PDIA3: variants seen among roughly 807,000 people sequenced by gnomAD.
The protein encoded by PDIA3 is protein disulfide isomerase family A member 3.
A neutral mutation model predicts 56.9 loss-of-function variants in PDIA3; 16 were observed. That is an observed-to-expected ratio of 0.28 (90% CI 0.19 to 0.43). The LOEUF is 0.43. Among genes scored for constraint, PDIA3 ranks in the 20% least tolerant of loss-of-function variants. The pLI, the probability that PDIA3 is intolerant of heterozygous loss-of-function variation, is 1.00. For missense variants in PDIA3, 485 were observed against 621.3 expected (o/e 0.78, Z 2.33); for synonymous variants, 192 against 216.5 (o/e 0.89, Z 0.99).
intron 5 of PDIA3, among the ~76,000 whole-genome samples, chr15:43,763,703 A>G (rs2086831426): frequency 6.6e-6 from 1 of 152,146 alleles, no homozygotes; most frequent in Non-Finnish European, 1.5e-5. Flanking sequence ...TATAAAAATG[A>G]AAGTGTAAGT....
At position 43,748,523 on chromosome 15, in the gene PDIA3, T is replaced by C. The variant is rs184609850; in HGVS notation, c.167+1817T>C. Among the ~76,000 whole-genome samples the C allele has an allele frequency of 6.6e-5, 10 of 152,240 alleles. No homozygotes were observed. The East Asian group carries it at 1.9e-3, about 29-fold the overall frequency. On this transcript the variant is annotated intron_variant, in intron 1 of 12. Coordinates refer to ENST00000300289, the MANE Select transcript of PDIA3 (RefSeq NM_005313.5). ...TTTTATTTGAATTGAAGGGGGTGTT[T>C]CCTACTTTAAATTGTTACACGTGCT...
intron 3 of PDIA3, among the ~76,000 whole-genome samples, chr15:43,757,194 G>C (rs1043028874): frequency 6.6e-6 from 1 of 152,166 alleles, no homozygotes; most frequent in Non-Finnish European, 1.5e-5. Flanking sequence ...TTAGCTACTC[G>C]GGAGGCTGAG....
In PDIA3 at chr15:43,771,936, C is replaced by T. The variant is rs1368269745; in HGVS notation, c.*718C>T. 2.3e-5 allele frequency: 6 copies of T among 262,186 alleles called. No individual in the cohort carries two copies. Among genetic ancestry groups the T allele is most frequent in the Admixed American group, 2.2e-4 (4 of 18,520 alleles). The allele number at this position is 262,186 out of a possible 1,614,324, so 16.2% of individuals were successfully genotyped here. A position where few individuals can be genotyped will look rare whatever the true frequency, so the allele number is the denominator to read the frequency against. On this transcript the variant is annotated 3_prime_UTR_variant, in exon 13 of 13. Coordinates refer to ENST00000300289, the MANE Select transcript of PDIA3 (RefSeq NM_005313.5). ...TATCCTTGCCACGCAGCTGAGCTTA[C>T]TGCATGTTTATATCTCCCAAGGACT...
intron 8 of PDIA3, among the ~76,000 whole-genome samples, chr15:43,767,432 A>T (rs1387363570): frequency 6.6e-6 from 1 of 152,126 alleles, no homozygotes; most frequent in Non-Finnish European, 1.5e-5. Context: ...CTGAAAACTA[A>T]TGAAAGGATG....
In PDIA3 at chr15:43,773,048, T is replaced by G. The variant is rs1384767510; in HGVS notation, c.*1830T>G. On this transcript the variant is annotated 3_prime_UTR_variant, in exon 13 of 13. Coordinates refer to ENST00000300289, the MANE Select transcript of PDIA3 (RefSeq NM_005313.5). ...AAGAAAAGCAGATAGTTGCATTCTATTTAGTTTATAGCTGCTTTGTTCCTT... is the reference window on the plus strand; with the variant it reads ...AAGAAAAGCAGATAGTTGCATTCTAGTTAGTTTATAGCTGCTTTGTTCCTT... The G allele has an allele frequency of 1.4e-6, 2 of 1,395,910 alleles. No homozygotes were observed. Among genetic ancestry groups the G allele is most frequent in the Admixed American group, 4.5e-5 (2 of 44,860 alleles). The allele number at this position is 1,395,910 out of a possible 1,614,324, so 86.5% of individuals were successfully genotyped here. A position where few individuals can be genotyped will look rare whatever the true frequency, so the allele number is the denominator to read the frequency against.
rs1054034968 is a variant in PDIA3 at position 43,756,398 on chromosome 15, G to A, written c.247-251G>A. ...CCGCTTTAGCTAATAGAGACTACAAGGGCAGAATTTAAACAGGAACTTTGC... is the reference window on the plus strand; with the variant it reads ...CCGCTTTAGCTAATAGAGACTACAAAGGCAGAATTTAAACAGGAACTTTGC... On this transcript the variant is annotated intron_variant, in intron 2 of 12. Transcript: ENST00000300289. 1.2e-4 allele frequency among the ~76,000 whole-genome samples: 19 copies of A among 152,150 alleles called. 1 individual carries two copies. The East Asian group carries it at 3.7e-3, about 29-fold the overall frequency.
chr15:43,765,865 A>G, intron 6 of PDIA3, 22 bp from the exon 7 acceptor site: 4 of 1,597,914 alleles, frequency 2.5e-6, no homozygotes, highest in Middle Eastern at 1.7e-4. Context: ...AAGCCAGTTG[A>G]TAATGGATTA....
chr15:43,770,525 T>A lies in PDIA3; in HGVS notation c.1349T>A (p.Phe450Tyr), dbSNP rs1409132557. 1 of 1,610,508 alleles carries A rather than the reference T, an allele frequency of 6.2e-7. No homozygotes were observed. The highest frequency in any genetic ancestry group is 1.1e-5 in the South Asian group (1 of 91,010). Residue 450 changes from phenylalanine (F) to tyrosine (Y), a missense_variant and splice_region_variant, in exon 12 of 13, where the codon TTT (phenylalanine) becomes TAT (tyrosine). Phe to Tyr is a conservative substitution (Grantham distance 22, BLOSUM62 3). Coordinates refer to ENST00000300289, the MANE Select transcript of PDIA3 (RefSeq NM_005313.5). ...TTAATAAATGTTTCTTTCCCCAGTT[T>A]TCCTACCATATACTTCTCTCCAGCC... ...DVPSPYEVRG[F>Y]PTIYFSPANK...
At position 43,771,625 on chromosome 15, in the gene PDIA3, G is replaced by GGCGAC; in HGVS notation, c.*407_*408insGCGAC. On this transcript the variant is annotated 3_prime_UTR_variant, in exon 13 of 13. Coordinates refer to ENST00000300289, the MANE Select transcript of PDIA3 (RefSeq NM_005313.5). The stretch of plus-strand genomic sequence containing the variant: ...TAGAGCTTTCTTCAGTGATGGAAAT[G>GGCGAC]CTCTGTAATCTACACTGTTCAGTAC... 1 of 407,212 alleles carries GGCGAC rather than the reference G, an allele frequency of 2.5e-6. No homozygotes were observed. Among genetic ancestry groups the GGCGAC allele is most frequent in the South Asian group, 1.2e-4 (1 of 8,654 alleles). The allele number at this position is 407,212 out of a possible 1,614,324, so 25.2% of individuals were successfully genotyped here.
intron 3 of PDIA3, among the ~76,000 whole-genome samples, chr15:43,758,977 A>G (rs1439108566): frequency 6.6e-6 from 1 of 151,850 alleles, no homozygotes; most frequent in African/African-American, 2.4e-5. Flanking sequence ...CCTGTCTCAA[A>G]AAAAAAAATA....
chr15:43,754,229 A>T (rs2086762404), intron 2 of PDIA3, among the ~76,000 whole-genome samples: 1 of 151,970 alleles, frequency 6.6e-6, no homozygotes, highest in African/African-American at 2.4e-5. Context: ...CCCTGTCTCA[A>T]CTAAAAATAC....
At chr15:43,747,261 T>G (rs1217780943) in intron 1 of PDIA3, among the ~76,000 whole-genome samples, 1 of 152,184 alleles carries the variant, frequency 6.6e-6, no homozygotes. Flanking sequence ...AGTTTCTCCC[T>G]TCAGCTGATC....
At chr15:43,753,305 T>C (rs1203898949) in intron 1 of PDIA3, among the ~76,000 whole-genome samples, 1 of 152,186 alleles carries the variant, frequency 6.6e-6, no homozygotes, top group Non-Finnish European at 1.5e-5. Flanking sequence ...CTTGAACTCC[T>C]GACCTCGAGT....
rs1188344741 is a variant in PDIA3 at position 43,772,976 on chromosome 15, C to G, written c.*1758C>G. 2.6e-6 allele frequency: 2 copies of G among 774,024 alleles called. No homozygotes were observed. The highest frequency in any genetic ancestry group is 1.7e-5 in the African/African-American group (1 of 57,316). The allele number at this position is 774,024 out of a possible 1,614,324, so 47.9% of individuals were successfully genotyped here. On this transcript the variant is annotated 3_prime_UTR_variant, in exon 13 of 13. Transcript: ENST00000300289. ...AATAATGAAAACCAAACCTCAAGAA[C>G]CTAGAGCAGCTCTCTACTTGCCACC...
intron 12 of PDIA3, among the ~76,000 whole-genome samples, 170 bp downstream of exon 12, chr15:43,770,750 A>C (rs1008645581): frequency 5.3e-5 from 8 of 152,152 alleles, no homozygotes; most frequent in Non-Finnish European, 7.3e-5. Context: ...CTCACCGTTC[A>C]AGCGATTCTC....
At chr15:43,764,377 G>A (rs1287758476) in intron 5 of PDIA3, among the ~76,000 whole-genome samples, 3 of 152,166 alleles carry the variant, frequency 2.0e-5, no homozygotes, top group Non-Finnish European at 4.4e-5. Context: ...AACAGCATTA[G>A]TGGCAATGGA....
chr15:43,770,246 ACAGCT>A lies in PDIA3; in HGVS notation c.1268_1272del (p.Leu423GlnfsTer16). On this transcript the variant is annotated splice_acceptor_variant and splice_polypyrimidine_tract_variant and coding_sequence_variant and intron_variant, in exon 11 of 13. Coordinates refer to ENST00000300289, the MANE Select transcript of PDIA3 (RefSeq NM_005313.5). LOFTEE classifies it high-confidence loss of function. ...TGTAAACATTTAACCTGTTTTATTA[ACAGCT>A]CAGCAAAGACCCAAATATCGTCATA... is the stretch of plus-strand genomic sequence containing the variant. 1 of 1,612,224 alleles carries A rather than the reference ACAGCT, an allele frequency of 6.2e-7. No homozygotes were observed. The highest frequency in any genetic ancestry group is 8.5e-7 in the Non-Finnish European group (1 of 1,178,306).
rs760201906 is a variant in PDIA3 at position 43,771,182 on chromosome 15, A to G, written c.1482A>G (p.Lys494=). 2 of 1,611,874 alleles carry G rather than the reference A, an allele frequency of 1.2e-6. No individual in the cohort carries two copies. The highest frequency in any genetic ancestry group is 1.3e-5 in the African/African-American group (1 of 74,814). The part of the protein sequence containing the change: ...ATNPPVIQEE[K]PKKKKKAQED... ...ACCCCCCTGTAATTCAAGAAGAAAA[A>G]CCCAAGAAGAAGAAGAAGGCACAGG... Residue 494 remains lysine (K), a synonymous_variant, in exon 13 of 13, where the codon AAA becomes AAG. Transcript: ENST00000300289.
chr15:43,753,518 A>G (rs910821124), intron 1 of PDIA3, among the ~76,000 whole-genome samples: 5 of 152,194 alleles, frequency 3.3e-5, no homozygotes, highest in African/African-American at 1.2e-4. Context: ...ACCCTCTTTA[A>G]TAATGTGGCG....
Sources: gnomAD v4.1 joint callset for allele counts (sites outside exome capture counted in the v4.1 genomes callset) on GRCh38, gnomAD v4.1.1 for gene constraint, MANE v1.5 for transcripts, NCBI Gene and HGNC (gene_info 2026-07-23, HGNC 2026-07-21) for gene names.